Variants in KLHDC4 observed in about 807,000 individuals in gnomAD.
KLHDC4 encodes kelch domain-containing protein 4.
In KLHDC4, 90 loss-of-function variants were observed where a neutral mutation model predicts 62.4. That is an observed-to-expected ratio of 1.44 (90% CI 1.22 to 1.72). The LOEUF (loss-of-function observed/expected upper bound fraction) is 1.72, where lower values mean the gene tolerates loss of function less well. Ranked by LOEUF, KLHDC4 falls within the 40% of genes most tolerant of loss-of-function variation. KLHDC4 has a pLI of 0.00. For synonymous variants in KLHDC4, 386 were observed against 284.4 expected, an observed-to-expected ratio of 1.36 and a Z score of -3.59; for missense variants, 1,025 against 699.7, an observed-to-expected ratio of 1.47 and a Z score of -5.25.
intron 4 of KLHDC4, among the ~76,000 whole-genome samples, chr16:87,753,518 G>A (rs1211783054): frequency 1.3e-5 from 2 of 152,220 alleles, no homozygotes; most frequent in Non-Finnish European, 2.9e-5. Context: ...CAGACACTCA[G>A]GCTGGGAGCA....
intron 5 of KLHDC4, among the ~76,000 whole-genome samples, chr16:87,739,065 C>T (rs368360614): frequency 5.1e-5 from 2 of 39,454 alleles, no homozygotes; most frequent in African/African-American, 9.7e-5. Flanking sequence ...CACACCAGCA[C>T]CTCATCCATC....
rs1202989898 is a variant in KLHDC4, at chr16:87,765,864, C to T, written c.27G>A (p.Lys9=). 2 of 1,552,436 alleles carry T rather than the reference C, an allele frequency of 1.3e-6. No individual in the cohort carries two copies. Among genetic ancestry groups the T allele is most frequent in the African/African-American group, 1.4e-5 (1 of 73,206 alleles). Residue 9 remains lysine, a synonymous_variant, in exon 1 of 12, where the codon AAG becomes AAA. Coordinates refer to ENST00000270583, the MANE Select transcript of KLHDC4 (RefSeq NM_017566.4). The stretch of plus-strand genomic sequence containing the variant: ...CCGTCTTCTCCGCGCCGCGGCCCTT[C>T]TTCTCCTTCTTGCCCTTCTTGCCCA... The part of the protein sequence containing the change: MGKKGKKE[K]KGRGAEKTAA...
At chr16:87,755,494 C>A in intron 3 of KLHDC4, 1 of 454,902 alleles carries the variant, frequency 2.2e-6, no homozygotes, top group South Asian at 2.2e-5. Flanking sequence ...GCCCACCAGG[C>A]CCATCAATCT....
chr16:87,752,109 A>AAAAAAAAAAAAAC, intron 4 of KLHDC4, among the ~76,000 whole-genome samples: 1 of 132,192 alleles, frequency 7.6e-6, no homozygotes, highest in African/African-American at 2.8e-5. Context: ...AAAAAAAAAA[A>AAAAAAAAAAAAAC]AAAAAGAAGC....
At chr16:87,754,344 TCAA>T (rs908569357) in intron 4 of KLHDC4, among the ~76,000 whole-genome samples, 82 of 152,184 alleles carry the variant, frequency 5.4e-4, no homozygotes, top group African/African-American at 1.7e-3. Flanking sequence ...AGACTCCATC[TCAA>T]CAACAACAAC....
At chr16:87,762,272 C>T in intron 1 of KLHDC4, 1 of 751,724 alleles carries the variant, frequency 1.3e-6, no homozygotes, top group Admixed American at 3.8e-5. Context: ...AGTATTATCT[C>T]CACACCCTTA....
At chr16:87,709,779 G>A (rs1328960055) in intron 9 of KLHDC4, 112 bp from the exon 10 acceptor site, 1 of 1,289,652 alleles carries the variant, frequency 7.8e-7, no homozygotes, top group African/African-American at 1.5e-5. Context: ...CAAGCGTGGG[G>A]AGTGTGTGAC....
intron 8 of KLHDC4, among the ~76,000 whole-genome samples, chr16:87,713,871 T>A (rs546657799): frequency 2.8e-4 from 43 of 152,276 alleles, no homozygotes; most frequent in Admixed American, 5.9e-4. Flanking sequence ...TAGATCCCAG[T>A]TTAGCTAAAA....
intron 7 of KLHDC4, among the ~76,000 whole-genome samples, chr16:87,718,319 CCCTCCCTCTCCCTCCCCCTCT>C (rs1311332975): frequency 4.2e-5 from 3 of 71,666 alleles, no homozygotes; most frequent in South Asian, 8.9e-4. Flanking sequence ...CTCTCCCTCC[CCCTCCCTCTCCCTCCCCCTCT>C]CCTCCCCCTC....
chr16:87,701,995 C>T (rs748894541), exon 1 of KLHDC4: 1 of 456,330 alleles, frequency 2.2e-6, no homozygotes, highest in South Asian at 1.5e-5. Flanking sequence ...CAACAAAGCT[C>T]AGCCCAGCAG....
chr16:87,709,215 A>G (rs745536654), intron 10 of KLHDC4, 50 bp downstream of exon 10: 1 of 1,571,436 alleles, frequency 6.4e-7, no homozygotes, highest in South Asian at 1.2e-5. Context: ...GCGACACACG[A>G]CCGTGGGCTC....
In KLHDC4 at chr16:87,746,488, C is replaced by T. The variant is rs1000918857; in HGVS notation, c.506+2185G>A. On this transcript the variant is annotated intron_variant, in intron 5 of 11. Coordinates refer to ENST00000270583, the MANE Select transcript of KLHDC4 (RefSeq NM_017566.4). ...CAACAGGCTGTGTCTCCTTATCAGA[C>T]GCACACTCCACACGACCTTCCAGGA... is the stretch of plus-strand genomic sequence containing the variant. Among the ~76,000 whole-genome samples, 4 of 152,192 alleles carry T rather than the reference C, an allele frequency of 2.6e-5. No homozygotes were observed. In the South Asian group the frequency reaches 6.2e-4, roughly 24 times the overall value.
At chr16:87,730,711 CAACA>C (rs1203121095) in intron 5 of KLHDC4, 67 bp from the exon 6 acceptor site, 31 of 1,396,332 alleles carry the variant, frequency 2.2e-5, no homozygotes, top group Non-Finnish European at 3.1e-5. Context: ...AAGACGACAA[CAACA>C]AACAAAATCC....
At chr16:87,755,140 C>T (rs2044661210) in intron 4 of KLHDC4, 54 bp downstream of exon 4, 5 of 1,248,780 alleles carry the variant, frequency 4.0e-6, no homozygotes, top group Non-Finnish European at 5.9e-6. Flanking sequence ...CGTGTGTCTA[C>T]CAGACTCCCA....
chr16:87,739,098 CCACACACCAGCACCTCATCCAT>C (rs1389480201), intron 5 of KLHDC4, among the ~76,000 whole-genome samples: 713 of 92,924 alleles, frequency 7.7e-3, no homozygotes, highest in African/African-American at 0.01. Flanking sequence ...CCTCATCCAT[CCACACACCAGCACCTCATCCAT>C]CCACACACCA....
In KLHDC4 at chr16:87,708,503, C is replaced by T. The variant is rs920462146; in HGVS notation, c.1448-37G>A. Reference sequence around the variant, plus strand: ...GAATGAACGCACATACACGTCAGCGCAGCTGAGGCAGGTGGGGGAGGCTGC... The same window carrying T: ...GAATGAACGCACATACACGTCAGCGTAGCTGAGGCAGGTGGGGGAGGCTGC... On this transcript the variant is annotated intron_variant, in intron 10 of 11. Transcript: ENST00000270583. The T allele has an allele frequency of 2.7e-6, 4 of 1,496,458 alleles. No homozygotes were observed. The Admixed American group carries it at 5.7e-5, about 21-fold the overall frequency. The allele number at this position is 1,496,458 out of a possible 1,614,324, so 92.7% of individuals were successfully genotyped here. A position where few individuals can be genotyped will look rare whatever the true frequency, so the allele number is the denominator to read the frequency against.
chr16:87,716,869 T>C (rs976071509), intron 7 of KLHDC4, among the ~76,000 whole-genome samples: 2 of 152,010 alleles, frequency 1.3e-5, no homozygotes. Context: ...GAGGCGGAGC[T>C]TGCAGTGAGC....
chr16:87,708,208 T>G (rs2035030738), intron 11 of KLHDC4, 133 bp from the exon 12 acceptor site: 2 of 632,014 alleles, frequency 3.2e-6, no homozygotes, highest in Non-Finnish European at 5.6e-6. Context: ...ACGGCACTCA[T>G]TAGCAAGCTG....
intron 7 of KLHDC4, among the ~76,000 whole-genome samples, chr16:87,722,158 C>G (rs544723332): frequency 3.3e-5 from 5 of 152,350 alleles, no homozygotes; most frequent in Admixed American, 2.0e-4. Context: ...CGCTGCATCT[C>G]TTTCGTTAGG....
Sources: gnomAD v4.1 joint callset for allele counts (sites outside exome capture counted in the v4.1 genomes callset) on GRCh38, gnomAD v4.1.1 for gene constraint, MANE v1.5 for transcripts, NCBI Gene and HGNC (gene_info 2026-07-23, HGNC 2026-07-21) for gene names.